MAP2: variants seen among roughly 807,000 people sequenced by gnomAD.
MAP2 encodes microtubule associated protein 2.
MAP2 carries 14 observed loss-of-function variants against 137.6 expected under a neutral mutation model. The ratio of observed to expected loss-of-function variants is 0.10; its 90% CI spans 0.07 to 0.16. MAP2 has a LOEUF of 0.16. Ranked by LOEUF, MAP2 falls within the 10% of genes least tolerant of loss-of-function variation. The probability of loss-of-function intolerance (pLI) is 1.00; values close to 1 mark genes in which losing one functional copy is unlikely to be tolerated. For synonymous variants in MAP2, 786 were observed against 782.3 expected, an observed-to-expected ratio of 1.00 and a Z score of -0.08; for missense variants, 2,088 against 2,191.5, an observed-to-expected ratio of 0.95 and a Z score of 0.94.
At chr2:209,576,153 C>T (rs142907515) in intron 2 of MAP2, among the ~76,000 whole-genome samples, 168 of 152,218 alleles carry the variant, frequency 1.1e-3, no homozygotes, top group African/African-American at 3.7e-3. Context: ...CAGGCATCTA[C>T]AATGAAGCAG....
intron 1 of MAP2, among the ~76,000 whole-genome samples, chr2:209,442,553 G>C (rs1216931683): frequency 6.6e-6 from 1 of 151,452 alleles, no homozygotes; most frequent in African/African-American, 2.4e-5. Flanking sequence ...TTTTATTAAG[G>C]TCCCTGACTC....
At chr2:209,477,414 A>G (rs879823136) in intron 1 of MAP2, among the ~76,000 whole-genome samples, 1 of 152,216 alleles carries the variant, frequency 6.6e-6, no homozygotes, top group African/African-American at 2.4e-5. Flanking sequence ...ATTAAAAATA[A>G]TGACAATAAA....
At chr2:209,661,579 A>G in intron 5 of MAP2, 11 of 985,454 alleles carry the variant, frequency 1.1e-5, no homozygotes, top group Non-Finnish European at 1.3e-5. Flanking sequence ...ATGAGGACAG[A>G]AAATGGGGAT....
At chr2:209,702,968 A>AT (rs1385379236) in intron 11 of MAP2, among the ~76,000 whole-genome samples, 1 of 152,072 alleles carries the variant, frequency 6.6e-6, no homozygotes, top group Admixed American at 6.6e-5. Context: ...ACTTATCTAT[A>AT]TTTTTAACAG....
chr2:209,642,459 AAC>A (rs1346427846), intron 4 of MAP2, among the ~76,000 whole-genome samples: 1 of 151,978 alleles, frequency 6.6e-6, no homozygotes, highest in Non-Finnish European at 1.5e-5. Context: ...AAAAGAAGAA[AAC>A]ACAAAATAAT....
chr2:209,650,965 CAAAA>C (rs2094751463), intron 4 of MAP2, among the ~76,000 whole-genome samples: 1 of 151,684 alleles, frequency 6.6e-6, no homozygotes, highest in Non-Finnish European at 1.5e-5. Context: ...AACAAACAAA[CAAAA>C]AAGAAATAAA....
chr2:209,599,823 GTGA>G (rs1343490468), intron 3 of MAP2, among the ~76,000 whole-genome samples: 3 of 152,008 alleles, frequency 2.0e-5, no homozygotes, highest in Non-Finnish European at 4.4e-5. Flanking sequence ...CTCATCAACT[GTGA>G]AATATTGGAA....
rs190705562 is a variant in MAP2, at chr2:209,524,190, A to G, written c.-172+16549A>G. On this transcript the variant is annotated intron_variant, in intron 2 of 15. Coordinates refer to ENST00000682079, the MANE Select transcript of MAP2 (RefSeq NM_001375505.1). ...GCATTTTAGATGCTCAGTGATGCAT[A>G]AAGGCATTCATTTTGAAAGTCCTGT... Among the ~76,000 whole-genome samples, 576 of 152,314 alleles carry G rather than the reference A, an allele frequency of 3.8e-3. 3 individuals are homozygous for G. Among genetic ancestry groups the G allele is most frequent in the African/African-American group, 0.013 (548 of 41,586 alleles).
At position 209,712,999 on chromosome 2, in the gene MAP2, A is replaced by G. The variant is rs187190264; in HGVS notation, c.5073+2745A>G. On this transcript the variant is annotated intron_variant, in intron 13 of 15. Coordinates refer to ENST00000682079, the MANE Select transcript of MAP2 (RefSeq NM_001375505.1). ...ACAGAACAAGAGCTATACTTTCTTC[A>G]CGGGCCAGGTTTTGTAATAGTGATA... 3.9e-5 allele frequency among the ~76,000 whole-genome samples: 6 copies of G among 152,274 alleles called. No individual in the cohort carries two copies. The East Asian group carries it at 1.2e-3, about 29-fold the overall frequency.
At chr2:209,534,104 A>C (rs973529186) in intron 2 of MAP2, among the ~76,000 whole-genome samples, 1 of 152,228 alleles carries the variant, frequency 6.6e-6, no homozygotes, top group Non-Finnish European at 1.5e-5. Flanking sequence ...ACCTTCAAGC[A>C]TAGACCAACT....
intron 5 of MAP2, chr2:209,661,453 C>T (rs1582682446): frequency 1.0e-6 from 1 of 955,802 alleles, no homozygotes; most frequent in Non-Finnish European, 1.2e-6. Context: ...CTGCCATTTC[C>T]CTGAGCTCCG....
At chr2:209,451,509 T>A (rs1388627568) in intron 1 of MAP2, among the ~76,000 whole-genome samples, 1 of 152,132 alleles carries the variant, frequency 6.6e-6, no homozygotes, top group Non-Finnish European at 1.5e-5. Context: ...TTTACACTGT[T>A]CCCTCCCCTT....
At chr2:209,629,963 A>G (rs2092805121) in intron 4 of MAP2, among the ~76,000 whole-genome samples, 1 of 152,314 alleles carries the variant, frequency 6.6e-6, no homozygotes, top group South Asian at 2.1e-4. Flanking sequence ...AAAAGGCTCT[A>G]GTTCTTATTA....
Position 209,700,708 on chromosome 2 carries a change from A to G in MAP2, c.4584+370A>G, listed in dbSNP as rs541797559. 2.0e-5 allele frequency among the ~76,000 whole-genome samples: 3 copies of G among 152,294 alleles called. No individual in the cohort carries two copies. In the South Asian group the frequency reaches 6.2e-4, roughly 32 times the overall value. The stretch of plus-strand genomic sequence containing the variant: ...ATACACTTTCATTGTTTTTGTTACA[A>G]AATAGAAATATGACCAAATGAAGCA... On this transcript the variant is annotated intron_variant, in intron 11 of 15. Coordinates refer to ENST00000682079, the MANE Select transcript of MAP2 (RefSeq NM_001375505.1).
intron 7 of MAP2, among the ~76,000 whole-genome samples, chr2:209,687,966 AC>A (rs2057598708): frequency 6.6e-6 from 1 of 152,144 alleles, no homozygotes; most frequent in Non-Finnish European, 1.5e-5. Flanking sequence ...AGAAAGGTGA[AC>A]CAAGCATGGT....
chr2:209,699,079 A>G (rs1448855691), intron 10 of MAP2, among the ~76,000 whole-genome samples: 1 of 152,242 alleles, frequency 6.6e-6, no homozygotes, highest in Non-Finnish European at 1.5e-5. Context: ...AAGATACTTT[A>G]GGAGAAAGCA....
intron 4 of MAP2, among the ~76,000 whole-genome samples, chr2:209,636,009 C>G (rs568587800): frequency 1.3e-5 from 2 of 152,208 alleles, no homozygotes; most frequent in East Asian, 3.9e-4. Flanking sequence ...ATCATTCTTC[C>G]TAAGAAGTGT....
chr2:209,605,604 A>AT (rs2084406722), intron 3 of MAP2, among the ~76,000 whole-genome samples: 1 of 152,156 alleles, frequency 6.6e-6, no homozygotes, highest in Admixed American at 6.6e-5. Context: ...AACATCCTTT[A>AT]TGCCACCTTT....
rs752879559 is a variant in MAP2, at chr2:209,694,365, T to C, written c.2195T>C (p.Leu732Pro). The C allele has an allele frequency of 6.2e-7, 1 of 1,614,100 alleles. No individual in the cohort carries two copies. The highest frequency in any genetic ancestry group is 8.5e-7 in the Non-Finnish European group (1 of 1,180,010). Residue 732 changes from leucine to proline, a missense_variant, in exon 8 of 16, where the codon CTA becomes CCA. Coordinates refer to ENST00000682079, the MANE Select transcript of MAP2 (RefSeq NM_001375505.1). ...CTTTCTCCTCTGGCTTCCGATATTC[T>C]AACCAACACTAGTGGAAGTATGGAT... Reference protein sequence around the residue: ...HDLSPLASDILTNTSGSMDEG... With the variant: ...HDLSPLASDIPTNTSGSMDEG...
Sources: allele counts gnomAD v4.1 joint callset (sites outside exome capture counted in the v4.1 genomes callset), GRCh38; gene constraint gnomAD v4.1.1; transcripts MANE v1.5; gene names NCBI Gene and HGNC (gene_info 2026-07-23, HGNC 2026-07-21).